Variants in STK3 observed in about 807,000 individuals in gnomAD.
STK3 encodes serine/threonine-protein kinase 3.
STK3 carries 41 observed loss-of-function variants against 58.0 expected under a neutral mutation model. The observed-to-expected ratio is 0.71, with a 90% CI of 0.55 to 0.92. The LOEUF (loss-of-function observed/expected upper bound fraction) is 0.92. Among genes scored for constraint, STK3 ranks in the 40% least tolerant of loss-of-function variants. The probability of loss-of-function intolerance (pLI) is 0.00; values close to 1 mark genes in which losing one functional copy is unlikely to be tolerated. For missense variants in STK3, 479 were observed against 602.7 expected, an observed-to-expected ratio of 0.79 and a Z score of 2.15; for synonymous variants, 170 against 191.0, an observed-to-expected ratio of 0.89 and a Z score of 0.91.
intron 6 of STK3, among the ~76,000 whole-genome samples, chr8:98,605,366 C>A (rs760731992): frequency 1.8e-4 from 28 of 151,410 alleles, no homozygotes; most frequent in Non-Finnish European, 1.8e-4. Flanking sequence ...AGCATAGCAG[C>A]TTCTGTTTCA....
chr8:98,424,479 G>C (rs1818206673), intron 3 of STK3, among the ~76,000 whole-genome samples: 1 of 152,188 alleles, frequency 6.6e-6, no homozygotes, highest in East Asian at 1.9e-4. Flanking sequence ...AGCTGAGAGG[G>C]GCAAGGAGTG....
chr8:98,501,006 A>G (rs1180997218), intron 10 of STK3, among the ~76,000 whole-genome samples: 2 of 152,172 alleles, frequency 1.3e-5, no homozygotes, highest in African/African-American at 2.4e-5. Flanking sequence ...CAATGGTTGA[A>G]CTAGTTTACA....
intron 1 of STK3, among the ~76,000 whole-genome samples, chr8:98,930,024 C>A (rs1443942994): frequency 6.6e-6 from 1 of 152,180 alleles, no homozygotes; most frequent in Non-Finnish European, 1.5e-5. Flanking sequence ...ACAATGGAAT[C>A]TTTTTTCCTC....
chr8:98,520,796 T>C (rs1198014307), intron 10 of STK3, among the ~76,000 whole-genome samples: 1 of 152,082 alleles, frequency 6.6e-6, no homozygotes, highest in African/African-American at 2.4e-5. Flanking sequence ...CTGTAACTAA[T>C]AGATGAGGGA....
intron 3 of STK3, among the ~76,000 whole-genome samples, chr8:98,853,442 G>A (rs189291305): frequency 6.6e-6 from 1 of 152,254 alleles, no homozygotes; most frequent in African/African-American, 2.4e-5. Context: ...CTTGGTCTGT[G>A]TTTTCTTCTA....
chr8:98,922,922 C>A (rs558828187), intron 1 of STK3, among the ~76,000 whole-genome samples: 1 of 151,914 alleles, frequency 6.6e-6, no homozygotes, highest in Non-Finnish European at 1.5e-5. Flanking sequence ...ATTAGCAAAC[C>A]CTTTTTATGA....
At chr8:98,882,085 A>G (rs915235513), downstream of STK3, 3 of 152,208 alleles carry the variant, frequency 2.0e-5, no homozygotes, top group Admixed American at 2.0e-4. Flanking sequence ...AATTCTAACT[A>G]TATTCTTTAT....
chr8:98,841,855 G>T (rs1436827997), intron 3 of STK3, among the ~76,000 whole-genome samples: 1 of 152,080 alleles, frequency 6.6e-6, no homozygotes, highest in Non-Finnish European at 1.5e-5. Flanking sequence ...GAAAGACAAA[G>T]TATCTTTCTA....
At chr8:98,824,968 A>G (rs1835155001) in intron 1 of STK3, among the ~76,000 whole-genome samples, 1 of 152,244 alleles carries the variant, frequency 6.6e-6, no homozygotes, top group East Asian at 1.9e-4. Flanking sequence ...TATTAGCTCA[A>G]ACACATCCCA....
At chr8:98,845,683 T>C (rs1836174069) in intron 3 of STK3, among the ~76,000 whole-genome samples, 1 of 144,946 alleles carries the variant, frequency 6.9e-6, no homozygotes, top group Non-Finnish European at 1.5e-5. Flanking sequence ...TCTGGACTCT[T>C]GCAGTTGCTA....
At chr8:98,853,360 A>G (rs1199976788) in intron 3 of STK3, among the ~76,000 whole-genome samples, 1 of 152,192 alleles carries the variant, frequency 6.6e-6, no homozygotes, top group Non-Finnish European at 1.5e-5. Flanking sequence ...TCTTGGATTG[A>G]GGCAGAAGTT....
At chr8:98,470,031 G>T (rs1762642302) in intron 10 of STK3, among the ~76,000 whole-genome samples, 1 of 152,214 alleles carries the variant, frequency 6.6e-6, no homozygotes, top group Admixed American at 6.5e-5. Context: ...GTGCTGAGCT[G>T]CTAGTACCTG....
chr8:98,623,547 G>T (rs1450433174), intron 6 of STK3, among the ~76,000 whole-genome samples: 1 of 152,154 alleles, frequency 6.6e-6, no homozygotes, highest in Non-Finnish European at 1.5e-5. Flanking sequence ...ACTTTGGGAG[G>T]CCAAGGCAGG....
chr8:98,365,237 G>A, the STK3 span, among the ~76,000 whole-genome samples: 1 of 152,360 alleles, frequency 6.6e-6, no homozygotes. Context: ...TGGAGTGGAT[G>A]CTTTGCTTTT....
In STK3 at chr8:98,419,189, C is replaced by G. The variant is rs371743297; in HGVS notation, n.483+14938G>C. 4.3e-4 allele frequency among the ~76,000 whole-genome samples: 65 copies of G among 152,154 alleles called. 1 individual carries two copies. The South Asian group carries it at 0.013, about 31-fold the overall frequency. ...CAGCCTGGCCAACATGGTGAAACCC[C>G]GTCTCTACGAAAAATAAAAAAATTA... On this transcript the variant is annotated intron_variant and non_coding_transcript_variant, in intron 3 of 3. Coordinates refer to the STK3 transcript ENST00000517832.
At chr8:98,635,030 C>A (rs1200191113) in intron 6 of STK3, among the ~76,000 whole-genome samples, 1 of 151,776 alleles carries the variant, frequency 6.6e-6, no homozygotes, top group Non-Finnish European at 1.5e-5. Context: ...TGTAAAGTTC[C>A]ATAGCAGAGA....
chr8:98,621,442 G>A (rs1470859844), intron 6 of STK3, among the ~76,000 whole-genome samples: 2 of 152,108 alleles, frequency 1.3e-5, no homozygotes, highest in Admixed American at 6.5e-5. Context: ...GTACTGTGCT[G>A]AATGAGTAGT....
intron 3 of STK3, among the ~76,000 whole-genome samples, chr8:98,420,179 ATGG>A: frequency 6.6e-6 from 1 of 152,226 alleles, no homozygotes; most frequent in East Asian, 1.9e-4. Flanking sequence ...TCTGAGTAGC[ATGG>A]TGAAATCTCT....
chr8:98,712,281 A>C (rs181452512), intron 4 of STK3, among the ~76,000 whole-genome samples: 4,830 of 152,288 alleles, frequency 0.032, 99 homozygotes, highest in South Asian at 0.06. Context: ...CACACATAAC[A>C]ATATTAACCT....
Sources: gnomAD v4.1 joint callset for allele counts (sites outside exome capture counted in the v4.1 genomes callset) on GRCh38, gnomAD v4.1.1 for gene constraint, MANE v1.5 for transcripts, NCBI Gene and HGNC (gene_info 2026-07-23, HGNC 2026-07-21) for gene names.